The following ROBO1 variants were observed in gnomAD, a reference collection of about 807,000 sequenced individuals.
The protein encoded by ROBO1 is roundabout homolog 1.
A neutral mutation model predicts 195.9 loss-of-function variants in ROBO1; 149 were observed. That is an observed-to-expected ratio of 0.76 (90% CI 0.67 to 0.87). ROBO1 has a LOEUF of 0.87. Among genes scored for constraint, ROBO1 ranks in the 40% least tolerant of loss-of-function variants. The pLI is 0.00. For missense variants in ROBO1, 1,933 were observed against 2,068.3 expected (o/e 0.93, Z 1.27); for synonymous variants, 816 against 733.2 (o/e 1.11, Z -1.82).
intron 1 of ROBO1, among the ~76,000 whole-genome samples, chr3:79,613,384 G>GAGAA (rs1015247936): frequency 6.6e-6 from 1 of 151,770 alleles, no homozygotes; most frequent in South Asian, 2.1e-4. Context: ...AGCAACAGCT[G>GAGAA]AGAAAGAAAG....
intron 2 of ROBO1, among the ~76,000 whole-genome samples, chr3:79,513,887 A>C (rs971530174): frequency 3.9e-5 from 6 of 152,246 alleles, no homozygotes; most frequent in African/African-American, 1.4e-4. Flanking sequence ...CCAAGAAATG[A>C]ACATTTTTAT....
chr3:79,309,172 G>T (rs542546904), intron 2 of ROBO1, among the ~76,000 whole-genome samples: 1 of 152,316 alleles, frequency 6.6e-6, no homozygotes, highest in East Asian at 1.9e-4. Context: ...ATATGTGTCT[G>T]TATGTGTGCC....
chr3:78,674,389 C>G (rs1330707311), intron 10 of ROBO1, among the ~76,000 whole-genome samples: 2 of 152,180 alleles, frequency 1.3e-5, no homozygotes, highest in Non-Finnish European at 2.9e-5. Context: ...TACTAGCCAT[C>G]CTCTGGACTT....
intron 2 of ROBO1, among the ~76,000 whole-genome samples, chr3:79,277,191 A>G (rs2031111758): frequency 6.6e-6 from 1 of 152,126 alleles, no homozygotes; most frequent in Non-Finnish European, 1.5e-5. Context: ...AGCACTATTC[A>G]CAGTAGCTAA....
intron 2 of ROBO1, among the ~76,000 whole-genome samples, chr3:79,484,116 CA>C (rs1194465782): frequency 1.1e-4 from 17 of 152,132 alleles, no homozygotes; most frequent in Admixed American, 9.8e-4. Context: ...ATCAGATGAC[CA>C]AAATGTTTGC....
At chr3:79,471,680 G>A (rs1038731612) in intron 2 of ROBO1, among the ~76,000 whole-genome samples, 8 of 151,828 alleles carry the variant, frequency 5.3e-5, no homozygotes, top group East Asian at 1.9e-4. Flanking sequence ...TTTTTGTCAC[G>A]CTTAAAAATA....
chr3:79,595,625 G>A (rs950418073), intron 1 of ROBO1, among the ~76,000 whole-genome samples: 1 of 151,724 alleles, frequency 6.6e-6, no homozygotes, highest in Non-Finnish European at 1.5e-5. Flanking sequence ...TTTAACTCCA[G>A]TGCCTCTGAG....
intron 2 of ROBO1, among the ~76,000 whole-genome samples, chr3:79,574,380 ACT>A (rs1328469335): frequency 1.3e-5 from 2 of 151,630 alleles, no homozygotes; most frequent in African/African-American, 2.4e-5. Context: ...CAATTTAATG[ACT>A]CTTGAAATTT....
intron 2 of ROBO1, among the ~76,000 whole-genome samples, chr3:79,238,455 A>T (rs2108872071): frequency 6.6e-6 from 1 of 152,264 alleles, no homozygotes; most frequent in Non-Finnish European, 1.5e-5. Context: ...CTGGCTTCCT[A>T]ATCTTTTATA....
At chr3:79,399,491 T>C (rs1354706676) in intron 2 of ROBO1, among the ~76,000 whole-genome samples, 2 of 152,168 alleles carry the variant, frequency 1.3e-5, no homozygotes, top group Non-Finnish European at 1.5e-5. Context: ...CTCTGATATA[T>C]CACTACTCCC....
intron 2 of ROBO1, among the ~76,000 whole-genome samples, chr3:79,406,208 A>AC (rs1018533819): frequency 2.0e-5 from 3 of 151,698 alleles, no homozygotes; most frequent in Non-Finnish European, 4.4e-5. Flanking sequence ...TGCTAAAAAA[A>AC]ATAAAACTTC....
chr3:79,525,661 A>G (rs1941404603), intron 2 of ROBO1, among the ~76,000 whole-genome samples: 1 of 146,840 alleles, frequency 6.8e-6, no homozygotes, highest in African/African-American at 2.5e-5. Flanking sequence ...GCTGGAGTGC[A>G]GTGGTGTGAT....
At chr3:78,820,911 A>G (rs2030839179) in intron 4 of ROBO1, among the ~76,000 whole-genome samples, 1 of 152,182 alleles carries the variant, frequency 6.6e-6, no homozygotes, top group Non-Finnish European at 1.5e-5. Context: ...TGACACACAT[A>G]CACAAACATA....
In ROBO1 at chr3:78,713,435, C is replaced by T. The variant is rs2081816372; in HGVS notation, c.1045+962G>A. Reference sequence around the variant, plus strand: ...TGCTAATGTTAGACCCCAAAACAAGCTAAATGGTTTATGGCCAGAACTTCC... The same window carrying T: ...TGCTAATGTTAGACCCCAAAACAAGTTAAATGGTTTATGGCCAGAACTTCC... On this transcript the variant is annotated intron_variant, in intron 8 of 30. Coordinates refer to ENST00000464233, the MANE Select transcript of ROBO1 (RefSeq NM_002941.4). Among the ~76,000 whole-genome samples the T allele has an allele frequency of 2.0e-5, 3 of 151,944 alleles. No homozygotes were observed. The South Asian group carries it at 6.2e-4, about 31-fold the overall frequency.
chr3:79,284,120 C>T (rs535528805), intron 2 of ROBO1, among the ~76,000 whole-genome samples: 10 of 151,788 alleles, frequency 6.6e-5, no homozygotes, highest in South Asian at 6.2e-4. Flanking sequence ...ATATGATGGT[C>T]ATATCAGGAA....
chr3:79,229,801 C>T (rs952318222), intron 2 of ROBO1, among the ~76,000 whole-genome samples: 7 of 151,918 alleles, frequency 4.6e-5, no homozygotes, highest in East Asian at 1.9e-4. Flanking sequence ...CTTTTATTCC[C>T]GATAAATCTT....
chr3:78,836,728 T>A (rs1237837698), intron 4 of ROBO1, among the ~76,000 whole-genome samples: 1 of 152,138 alleles, frequency 6.6e-6, no homozygotes, highest in Non-Finnish European at 1.5e-5. Flanking sequence ...AACATCATAG[T>A]CTTCTAAAAT....
intron 2 of ROBO1, among the ~76,000 whole-genome samples, chr3:79,325,801 AG>A (rs905976680): frequency 7.2e-5 from 11 of 152,326 alleles, no homozygotes; most frequent in African/African-American, 7.2e-5. Context: ...CCTTGAAAAA[AG>A]AACAGGATAA....
intron 3 of ROBO1, among the ~76,000 whole-genome samples, chr3:78,964,774 G>A (rs1218249308): frequency 6.6e-6 from 1 of 150,414 alleles, no homozygotes; most frequent in African/African-American, 2.4e-5. Flanking sequence ...GAGTTTTAGG[G>A]GTCTAAAAGA....
Sources: gnomAD v4.1 joint callset for allele counts (sites outside exome capture counted in the v4.1 genomes callset) on GRCh38, gnomAD v4.1.1 for gene constraint, MANE v1.5 for transcripts, NCBI Gene and HGNC (gene_info 2026-07-23, HGNC 2026-07-21) for gene names.